Variants in PHACTR2 observed in about 807,000 individuals in gnomAD.
PHACTR2 encodes the protein chromosome 6 open reading frame 56.
PHACTR2 carries 30 observed loss-of-function variants against 76.0 expected under a neutral mutation model. That is an observed-to-expected ratio of 0.39 (90% CI 0.30 to 0.54). The LOEUF is 0.54. Among genes scored for constraint, PHACTR2 ranks in the 20% least tolerant of loss-of-function variants. The pLI is 0.61. For missense variants in PHACTR2, 696 were observed against 781.1 expected (o/e 0.89, Z 1.30); for synonymous variants, 292 against 292.5 (o/e 1.00, Z 0.02).
In PHACTR2 at chr6:143,618,661, A is replaced by C. The variant is rs974972679; in HGVS notation, c.13+10339A>C. On this transcript the variant is annotated intron_variant, in intron 1 of 11. Coordinates refer to the PHACTR2 transcript ENST00000305766. The surrounding 1 kb of genome is among the most constrained non-coding windows in gnomAD (Gnocchi z 5.2). ...AACTGCCCCTCCTGCTCCAGCCCCC[A>C]CCATTTCTCCCCAGACCCTCTCACT... is the stretch of plus-strand genomic sequence containing the variant. Among the ~76,000 whole-genome samples, 1 of 151,870 alleles carries C rather than the reference A, an allele frequency of 6.6e-6. No homozygotes were observed. Among genetic ancestry groups the C allele is most frequent in the Non-Finnish European group, 1.5e-5 (1 of 67,972 alleles).
chr6:143,723,544 CCTT>C (rs763007721), intron 2 of PHACTR2, among the ~76,000 whole-genome samples: 10 of 152,210 alleles, frequency 6.6e-5, no homozygotes, highest in Admixed American at 2.0e-4. Flanking sequence ...CATGAATCCT[CCTT>C]GTCATCCATT....
At chr6:143,691,769 A>G (rs1007130773) in intron 1 of PHACTR2, among the ~76,000 whole-genome samples, 2 of 152,214 alleles carry the variant, frequency 1.3e-5, no homozygotes, top group African/African-American at 2.4e-5. Flanking sequence ...GCTGTTTAAT[A>G]ATGAGAAGGA....
chr6:143,668,495 G>T (rs1029319447), intron 1 of PHACTR2, among the ~76,000 whole-genome samples: 2 of 152,112 alleles, frequency 1.3e-5, no homozygotes, highest in African/African-American at 4.8e-5. Context: ...CTCTGAATCT[G>T]TCTGGTCCTG....
chr6:143,538,876 C>A (rs1781144662), intron 1 of PHACTR2, among the ~76,000 whole-genome samples: 1 of 152,140 alleles, frequency 6.6e-6, no homozygotes, highest in Non-Finnish European at 1.5e-5. Flanking sequence ...AAAGATTCAT[C>A]CTCTGAATTT....
At chr6:143,716,114 G>T (rs1194747290) in intron 2 of PHACTR2, among the ~76,000 whole-genome samples, 1 of 152,142 alleles carries the variant, frequency 6.6e-6, no homozygotes, top group Non-Finnish European at 1.5e-5. Context: ...GTCACAGGCT[G>T]TCAGGAAGCC....
At chr6:143,715,036 C>T (rs185969511) in intron 2 of PHACTR2, among the ~76,000 whole-genome samples, 1 of 152,274 alleles carries the variant, frequency 6.6e-6, no homozygotes, top group African/African-American at 2.4e-5. Flanking sequence ...GAAAATCTAA[C>T]CTATCTCTGC....
At chr6:143,626,898 G>C (rs1460458049) in intron 1 of PHACTR2, among the ~76,000 whole-genome samples, 1 of 152,116 alleles carries the variant, frequency 6.6e-6, no homozygotes, top group East Asian at 1.9e-4. Flanking sequence ...TTAATATATT[G>C]ATATTACTCA....
rs9496762 is a variant in PHACTR2, at chr6:143,732,909, A to T, written c.215-16076A>T. 8.4e-3 allele frequency among the ~76,000 whole-genome samples: 1,284 copies of T among 152,080 alleles called. 9 individuals are homozygous for T. Among genetic ancestry groups the T allele is most frequent in the African/African-American group, 0.028 (1,163 of 41,454 alleles). ...CTTTTCTGATTTATTTATTTATTTG[A>T]GACAGGGTCTTGCTCATTCACCCAT... On this transcript the variant is annotated intron_variant, in intron 2 of 12. Transcript: ENST00000440869.
chr6:143,578,227 G>A lies in PHACTR2; in HGVS notation c.217+41020G>A, dbSNP rs898952597. On this transcript the variant is annotated intron_variant, in intron 1 of 11. Transcript: ENST00000367584. The surrounding 1 kb of genome is among the most constrained non-coding windows in gnomAD (Gnocchi z 4.5). ...GGGGTCCCCAGACCTCCATCCTCAC[G>A]GTCCAGGATGGGGAAGTCATAGCCA... Among the ~76,000 whole-genome samples, 4 of 152,124 alleles carry A rather than the reference G, an allele frequency of 2.6e-5. No individual in the cohort carries two copies. The highest frequency in any genetic ancestry group is 4.8e-5 in the African/African-American group (2 of 41,432).
At position 143,767,008 on chromosome 6, in the gene PHACTR2, T is replaced by C. The variant is rs1280671400; in HGVS notation, c.1232+1210T>C. ...TTCTCTTTCAAAACAATCTGTCATGTTAGACTTAAAAAAAATTATTACATT... is the reference window on the plus strand; with the variant it reads ...TTCTCTTTCAAAACAATCTGTCATGCTAGACTTAAAAAAAATTATTACATT... On this transcript the variant is annotated intron_variant, in intron 6 of 12. Transcript: ENST00000440869. This position sits in a 1 kb window ranked among gnomAD's most constrained non-coding sequence, Gnocchi z 4.4. Among the ~76,000 whole-genome samples the C allele has an allele frequency of 1.3e-5, 2 of 152,168 alleles. No individual in the cohort carries two copies. The highest frequency in any genetic ancestry group is 2.9e-5 in the Non-Finnish European group (2 of 68,030).
rs59963214 is a variant in PHACTR2, at chr6:143,725,198, C to CTT, written c.214+13041_214+13042dup. On this transcript the variant is annotated intron_variant, in intron 2 of 12. Coordinates refer to ENST00000440869, the MANE Select transcript of PHACTR2 (RefSeq NM_001100164.2). The stretch of plus-strand genomic sequence containing the variant: ...ACTCCCCAAATCTCCTTTGTGCTGT[C>CTT]TTTTTTTTTTTTTTTTTTTTTTTTT... 3.0e-3 allele frequency among the ~76,000 whole-genome samples: 187 copies of CTT among 61,844 alleles called. 17 individuals carry two copies. The highest frequency in any genetic ancestry group is 0.013 in the Middle Eastern group (1 of 80). 40.6% of individuals were successfully genotyped at this position (61,844 alleles called of 152,430 possible).
Position 143,765,391 on chromosome 6 carries a change from C to T in PHACTR2, c.825C>T (p.Thr275=). ...GCAAAGCAGGGACAGTGGGGACCACCAAGGGCAAGAGAAAAACTGACAAGC... is the reference window on the plus strand; with the variant it reads ...GCAAAGCAGGGACAGTGGGGACCACTAAGGGCAAGAGAAAAACTGACAAGC... ...VSSKAGTVGT[T]KGKRKTDKQP... is the part of the protein sequence containing the mutation. The change falls in exon 6 of 13, where the codon ACC becomes ACT. Residue 275 remains threonine, a synonymous_variant. Transcript: ENST00000440869. The surrounding 1 kb of genome is among the most constrained non-coding windows in gnomAD (Gnocchi z 4.1). 3 of 1,614,202 alleles carry T rather than the reference C, an allele frequency of 1.9e-6. No individual in the cohort carries two copies. The highest frequency in any genetic ancestry group is 8.5e-7 in the Non-Finnish European group (1 of 1,180,034).
intron 1 of PHACTR2, among the ~76,000 whole-genome samples, chr6:143,568,860 C>T (rs576460848): frequency 2.0e-5 from 3 of 152,264 alleles, no homozygotes; most frequent in African/African-American, 7.2e-5. Flanking sequence ...ATTTACTTTC[C>T]TCTTATTATT....
intron 3 of PHACTR2, among the ~76,000 whole-genome samples, chr6:143,749,983 T>A (rs1779150408): frequency 6.6e-6 from 1 of 152,194 alleles, no homozygotes; most frequent in African/African-American, 2.4e-5. Flanking sequence ...AAATTGAAAT[T>A]GAAATAATAA....
At position 143,639,505 on chromosome 6, in the gene PHACTR2, C is replaced by A. The variant is rs1776528222; in HGVS notation, c.13+31183C>A. ...TGCTTATGTAGATCACCTATTTTTA[C>A]TTTTGGCATCTAGATGACATTTGGC... On this transcript the variant is annotated intron_variant, in intron 1 of 11. Transcript: ENST00000305766. This position sits in a 1 kb window ranked among gnomAD's most constrained non-coding sequence, Gnocchi z 5.0. Among the ~76,000 whole-genome samples the A allele has an allele frequency of 6.6e-6, 1 of 151,982 alleles. No homozygotes were observed. The highest frequency in any genetic ancestry group is 2.4e-5 in the African/African-American group (1 of 41,364).
At position 143,785,758 on chromosome 6, in the gene PHACTR2, T is replaced by C. The variant is rs369391557; in HGVS notation, c.1707+2478T>C. Among the ~76,000 whole-genome samples, 7 of 152,348 alleles carry C rather than the reference T, an allele frequency of 4.6e-5. No homozygotes were observed. In the South Asian group the frequency reaches 1.5e-3, roughly 32 times the overall value. On this transcript the variant is annotated intron_variant, in intron 10 of 12. Coordinates refer to ENST00000440869, the MANE Select transcript of PHACTR2 (RefSeq NM_001100164.2). The stretch of plus-strand genomic sequence containing the variant: ...CACAAGCTCAACACCATATGGAAGC[T>C]GCCAAGGCTTGGGGCTTCCACGATC...
rs1474452439 is a variant in PHACTR2 at position 143,599,580 on chromosome 6, T to G, written c.217+62373T>G. On this transcript the variant is annotated intron_variant, in intron 1 of 11. Coordinates refer to the PHACTR2 transcript ENST00000367584. This position sits in a 1 kb window ranked among gnomAD's most constrained non-coding sequence, Gnocchi z 4.6. The stretch of plus-strand genomic sequence containing the variant: ...AACAAATGTCGTATTACTAAAGAAA[T>G]GCTTATTAATTTAAATTTAAGTCAA... Among the ~76,000 whole-genome samples, 1 of 152,154 alleles carries G rather than the reference T, an allele frequency of 6.6e-6. No individual in the cohort carries two copies. The highest frequency in any genetic ancestry group is 2.4e-5 in the African/African-American group (1 of 41,432).
At chr6:143,707,250 A>G (rs368268831) in intron 1 of PHACTR2, among the ~76,000 whole-genome samples, 4 of 152,370 alleles carry the variant, frequency 2.6e-5, no homozygotes, top group Admixed American at 6.5e-5. Flanking sequence ...TAACTTTCTT[A>G]AAGCATACAC....
At position 143,544,955 on chromosome 6, in the gene PHACTR2, T is replaced by C. The variant is rs146038269; in HGVS notation, c.217+7748T>C. On this transcript the variant is annotated intron_variant, in intron 1 of 11. Transcript: ENST00000367584. ...ATAATGAGAGATTTTTGTTTTTTTT[T>C]TTTCTTTGAGACAGGTCTCACTCTG... 3.3e-5 allele frequency among the ~76,000 whole-genome samples: 5 copies of C among 152,154 alleles called. No homozygotes were observed. The East Asian group carries it at 9.7e-4, about 29-fold the overall frequency.
Sources: allele counts gnomAD v4.1 joint callset (sites outside exome capture counted in the v4.1 genomes callset), GRCh38; gene constraint gnomAD v4.1.1; non-coding constraint Gnocchi (gnomAD v3.1); transcripts MANE v1.5; gene names NCBI Gene and HGNC (gene_info 2026-07-23, HGNC 2026-07-21).